The following FLNB variants were observed in gnomAD, a reference collection of about 807,000 sequenced individuals.
The protein encoded by FLNB is filamin-B.
FLNB carries 111 observed loss-of-function variants against 250.6 expected under a neutral mutation model. The observed-to-expected ratio is 0.44, with a 90% CI of 0.38 to 0.52. The LOEUF (loss-of-function observed/expected upper bound fraction) is 0.52. Among genes scored for constraint, FLNB ranks in the 20% least tolerant of loss-of-function variants. FLNB has a pLI of 0.00. For missense variants in FLNB, 2,869 were observed against 3,447.8 expected (o/e 0.83, Z 4.20); for synonymous variants, 1,302 against 1,372.1 (o/e 0.95, Z 1.13).
intron 9 of FLNB, among the ~76,000 whole-genome samples, 185 bp downstream of exon 9, chr3:58,102,525 C>T (rs532156450): frequency 1.3e-4 from 20 of 152,308 alleles, no homozygotes; most frequent in Non-Finnish European, 1.9e-4. Flanking sequence ...GCCCTGGATG[C>T]GGCCAGTGGG....
intron 1 of FLNB, among the ~76,000 whole-genome samples, chr3:58,059,792 G>A (rs1030019895): frequency 6.6e-6 from 1 of 152,176 alleles, no homozygotes; most frequent in African/African-American, 2.4e-5. Flanking sequence ...GGAGGATGAT[G>A]TAACCCTCAG....
chr3:58,124,463 G>A lies in FLNB; in HGVS notation c.3856G>A (p.Ala1286Thr), dbSNP rs745854879. 1.2e-6 allele frequency: 2 copies of A among 1,614,240 alleles called. No individual in the cohort carries two copies. Among genetic ancestry groups the A allele is most frequent in the Non-Finnish European group, 1.7e-6 (2 of 1,180,028 alleles). Reference sequence around the variant, plus strand: ...CACCGAGTGCTTTGTCACAGACAATGCGGATGGGACCTACCAGGTGGAATA... The same window carrying A: ...CACCGAGTGCTTTGTCACAGACAATACGGATGGGACCTACCAGGTGGAATA... The part of the protein sequence containing the change: ...ASTECFVTDN[A>T]DGTYQVEYTP... Residue 1286 changes from alanine to threonine, a missense_variant, in exon 22 of 46, where the codon GCG (alanine) becomes ACG (threonine). Physicochemically the swap from Ala to Thr is moderately conservative, Grantham distance 58. This residue lies in a region of FLNB where 1,348 missense variants were observed against 1,466.7 expected (regional missense o/e 0.92). Coordinates refer to ENST00000295956, the MANE Select transcript of FLNB (RefSeq NM_001457.4).
At chr3:58,019,108 G>A (rs1249199907) in intron 1 of FLNB, among the ~76,000 whole-genome samples, 1 of 152,088 alleles carries the variant, frequency 6.6e-6, no homozygotes, top group East Asian at 1.9e-4. Context: ...CTGCACTCTA[G>A]CCTGGGCGAC....
chr3:58,159,421 C>T, intron 41 of FLNB, 133 bp from the exon 42 acceptor site: 1 of 892,424 alleles, frequency 1.1e-6, no homozygotes, highest in Non-Finnish European at 1.9e-6. Flanking sequence ...CTCACCTGCC[C>T]TTTGTTGTCA....
In FLNB at chr3:58,008,711, G is replaced by A. The variant is rs756170382; in HGVS notation, c.147G>A (p.Arg49=). ...NLQTDLSDGL[R]LIALLEVLSQ... is the part of the protein sequence containing the mutation. ...AGACCGACCTGAGCGACGGGCTGCG[G>A]CTCATCGCGCTGCTCGAGGTGCTCA... is the stretch of plus-strand genomic sequence containing the variant. Residue 49 remains arginine (R), a synonymous_variant, in exon 1 of 46, where the codon CGG becomes CGA. Coordinates refer to ENST00000295956, the MANE Select transcript of FLNB (RefSeq NM_001457.4). The A allele has an allele frequency of 1.9e-6, 3 of 1,614,198 alleles. No individual in the cohort carries two copies. Among genetic ancestry groups the A allele is most frequent in the Non-Finnish European group, 2.5e-6 (3 of 1,180,046 alleles).
At chr3:58,078,369 T>C in intron 2 of FLNB, 1 of 1,501,808 alleles carries the variant, frequency 6.7e-7, no homozygotes, top group Non-Finnish European at 8.8e-7. Flanking sequence ...ACTTTTTAGA[T>C]ATATCCAGGA....
At chr3:58,072,459 T>G (rs1237208598) in intron 1 of FLNB, among the ~76,000 whole-genome samples, 2 of 152,234 alleles carry the variant, frequency 1.3e-5, no homozygotes, top group East Asian at 3.8e-4. Context: ...GGCGTAAACA[T>G]TGCAGAGCAC....
intron 1 of FLNB, among the ~76,000 whole-genome samples, chr3:58,039,418 C>T (rs1233270380): frequency 2.6e-5 from 4 of 152,008 alleles, no homozygotes; most frequent in African/African-American, 9.7e-5. Context: ...TAAGGGAAAG[C>T]CTAGTGATGC....
Position 58,124,488 on chromosome 3 carries a change from A to G in FLNB, c.3881A>G (p.Tyr1294Cys), listed in dbSNP as rs886058763. 5 of 1,614,194 alleles carry G rather than the reference A, an allele frequency of 3.1e-6. No homozygotes were observed. In the East Asian group the frequency reaches 8.9e-5, roughly 29 times the overall value. Residue 1294 changes from tyrosine (Y) to cysteine (C), a missense_variant, in exon 22 of 46, where the codon TAC becomes TGC. By Grantham distance (194) the Tyr-to-Cys change is radical (BLOSUM62 -2). Around this residue, in one of 5 missense-constraint regions of FLNB, gnomAD observed 1,348 missense variants for 1,466.7 expected, o/e 0.92. Coordinates refer to ENST00000295956, the MANE Select transcript of FLNB (RefSeq NM_001457.4). ...DNADGTYQVE[Y>C]TPFEKGLHVV... is the part of the protein sequence containing the mutation. ...GCGGATGGGACCTACCAGGTGGAAT[A>G]CACACCCTTTGAGAAAGGTGAGCCG...
At chr3:58,159,443 GA>G in intron 41 of FLNB, 110 bp from the exon 42 acceptor site, 1 of 1,110,342 alleles carries the variant, frequency 9.0e-7, no homozygotes. Context: ...ATGTTATATA[GA>G]AAAACCTATT....
intron 19 of FLNB, among the ~76,000 whole-genome samples, chr3:58,120,681 GCTGCCAAGAATTAGTAA>G (rs1455483323): frequency 1.1e-4 from 16 of 152,324 alleles, no homozygotes; most frequent in African/African-American, 3.6e-4. Flanking sequence ...GATGGAGTTG[GCTGCCAAGAATTAGTAA>G]ATAAAACATT....
intron 43 of FLNB, among the ~76,000 whole-genome samples, chr3:58,166,318 G>A (rs775390600): frequency 4.6e-5 from 7 of 152,246 alleles, no homozygotes; most frequent in South Asian, 2.1e-4. Context: ...AAATGGGTGC[G>A]GTGGCTCATG....
intron 1 of FLNB, among the ~76,000 whole-genome samples, chr3:58,067,364 A>G (rs760948607): frequency 2.0e-5 from 3 of 152,188 alleles, no homozygotes; most frequent in Non-Finnish European, 4.4e-5. Flanking sequence ...GATGGATAAA[A>G]ATTAATTCAA....
At chr3:58,159,978 C>A (rs2097358903) in intron 42 of FLNB, among the ~76,000 whole-genome samples, 1 of 152,120 alleles carries the variant, frequency 6.6e-6, no homozygotes, top group East Asian at 1.9e-4. Context: ...AGCTATGATG[C>A]AGTGAGCTAT....
At chr3:58,136,344 A>C (rs1485096470) in intron 28 of FLNB, among the ~76,000 whole-genome samples, 176 bp downstream of exon 28, 1 of 152,252 alleles carries the variant, frequency 6.6e-6, no homozygotes, top group Non-Finnish European at 1.5e-5. Flanking sequence ...ATTTAGATCC[A>C]AGAAGCTCTT....
intron 27 of FLNB, among the ~76,000 whole-genome samples, chr3:58,135,467 G>A (rs943188980): frequency 1.2e-4 from 18 of 152,174 alleles, no homozygotes; most frequent in Admixed American, 7.2e-4. Context: ...AGGGAAAAAG[G>A]GGTCCTCCCA....
At chr3:58,080,128 C>G (rs2097207103) in intron 3 of FLNB, among the ~76,000 whole-genome samples, 1 of 152,190 alleles carries the variant, frequency 6.6e-6, no homozygotes, top group South Asian at 2.1e-4. Flanking sequence ...CGACACACAT[C>G]CTACTTTTTA....
At chr3:58,146,616 A>G in intron 33 of FLNB, 1 of 591,348 alleles carries the variant, frequency 1.7e-6, no homozygotes, top group Non-Finnish European at 3.0e-6. Flanking sequence ...AAGAACTCAG[A>G]TGTTTGGGGT....
rs1443990774 is a variant in FLNB, at chr3:58,102,288, T to G, written c.1431T>G (p.Val477=). The change falls in exon 9 of 46, where the codon GTT becomes GTG. Residue 477 remains valine (V), a synonymous_variant. Transcript: ENST00000295956. ...TCCGGGAGACCACAGATTTCAAGGT[T>G]GACACCAAAGCTGCAGGAAGTGGGG... The part of the protein sequence containing the change: ...VRIRETTDFK[V]DTKAAGSGEL... 23 of 1,614,080 alleles carry G rather than the reference T, an allele frequency of 1.4e-5. No individual in the cohort carries two copies. In the Admixed American group the frequency reaches 3.8e-4, roughly 27 times the overall value.
Sources: allele counts gnomAD v4.1 joint callset (sites outside exome capture counted in the v4.1 genomes callset), GRCh38; gene constraint gnomAD v4.1.1; regional missense constraint gnomAD v4.1.1; transcripts MANE v1.5; gene names NCBI Gene and HGNC (gene_info 2026-07-23, HGNC 2026-07-21).